The following HDAC4 variants were observed in gnomAD, a reference collection of about 807,000 sequenced individuals.
HDAC4 encodes the protein histone deacetylase 4.
A neutral mutation model predicts 135.1 loss-of-function variants in HDAC4; 16 were observed. That is an observed-to-expected ratio of 0.12 (90% CI 0.08 to 0.18). The LOEUF (loss-of-function observed/expected upper bound fraction) is 0.18, where lower values mean the gene tolerates loss of function less well. HDAC4 is among the 10% of genes least tolerant of loss of function. The probability of loss-of-function intolerance (pLI) is 1.00; values close to 1 mark genes in which losing one functional copy is unlikely to be tolerated. For synonymous variants in HDAC4, 685 were observed against 653.4 expected, an observed-to-expected ratio of 1.05 and a Z score of -0.74; for missense variants, 1,143 against 1,511.8, an observed-to-expected ratio of 0.76 and a Z score of 4.05.
chr2:239,268,566 T>C (rs2049879580), intron 2 of HDAC4, among the ~76,000 whole-genome samples: 1 of 152,244 alleles, frequency 6.6e-6, no homozygotes, highest in African/African-American at 2.4e-5. Context: ...TACAATCGGT[T>C]TGGTGCTCAT....
intron 15 of HDAC4, among the ~76,000 whole-genome samples, chr2:239,107,076 G>A (rs970392503): frequency 7.2e-5 from 11 of 152,202 alleles, no homozygotes; most frequent in African/African-American, 2.7e-4. Context: ...AAGGTCACCA[G>A]CTCCCAGACG....
At chr2:239,135,457 C>A (rs1284901598) in intron 9 of HDAC4, among the ~76,000 whole-genome samples, 1 of 152,042 alleles carries the variant, frequency 6.6e-6, no homozygotes, top group Non-Finnish European at 1.5e-5. Flanking sequence ...TCATGGTCAT[C>A]AAAAAAGGTA....
chr2:239,063,571 C>A (rs1160616847), intron 24 of HDAC4, among the ~76,000 whole-genome samples: 2 of 152,294 alleles, frequency 1.3e-5, no homozygotes, highest in South Asian at 2.1e-4. Context: ...ATGCGCCCAC[C>A]CCTCAGAAGA....
intron 12 of HDAC4, among the ~76,000 whole-genome samples, chr2:239,120,794 G>A (rs986589495): frequency 6.6e-6 from 1 of 151,938 alleles, no homozygotes; most frequent in African/African-American, 2.4e-5. Flanking sequence ...AGGACACAGA[G>A]GCAGGTCCCT....
intron 3 of HDAC4, among the ~76,000 whole-genome samples, chr2:239,226,891 T>C (rs942702198): frequency 2.6e-5 from 4 of 152,204 alleles, no homozygotes; most frequent in African/African-American, 9.6e-5. Context: ...CACAGGGCAT[T>C]TCTGGTCAAA....
intron 1 of HDAC4, among the ~76,000 whole-genome samples, chr2:239,375,575 C>T (rs911158775): frequency 6.6e-6 from 1 of 152,250 alleles, no homozygotes; most frequent in East Asian, 1.9e-4. Flanking sequence ...GCACTCACGC[C>T]TACCTGGCAC....
At chr2:239,086,409 TAC>T (rs1398489042) in intron 19 of HDAC4, among the ~76,000 whole-genome samples, 1 of 149,140 alleles carries the variant, frequency 6.7e-6, no homozygotes, top group Non-Finnish European at 1.5e-5. Context: ...ATCTCTCACG[TAC>T]AGTCTCCTCC....
chr2:239,085,241 T>G lies in HDAC4; in HGVS notation c.2445-999A>C, dbSNP rs140620019. Among the ~76,000 whole-genome samples the G allele has an allele frequency of 3.6e-3, 545 of 152,224 alleles. 4 individuals carry two copies. The highest frequency in any genetic ancestry group is 0.013 in the African/African-American group (525 of 41,532). On this transcript the variant is annotated intron_variant, in intron 19 of 26. Transcript: ENST00000543185. ...GTTGCTTCCTGCTGACCTTCCTATA[T>G]TCCAATACATAAATTACCTTTAATT... is the stretch of plus-strand genomic sequence containing the variant.
intron 1 of HDAC4, among the ~76,000 whole-genome samples, chr2:239,358,024 T>C (rs1302006141): frequency 1.3e-5 from 2 of 151,860 alleles, no homozygotes; most frequent in African/African-American, 4.8e-5. Context: ...AATAAACAAG[T>C]GCCTTGAAAA....
intron 20 of HDAC4, among the ~76,000 whole-genome samples, chr2:239,083,213 C>A (rs147228172): frequency 3.5e-3 from 527 of 152,390 alleles, no homozygotes; most frequent in Non-Finnish European, 5.1e-3. Context: ...CGCAGCCTGT[C>A]TGCGTGTCCT....
chr2:239,376,265 G>A (rs1694997920), intron 1 of HDAC4, among the ~76,000 whole-genome samples: 1 of 150,186 alleles, frequency 6.7e-6, no homozygotes, highest in South Asian at 2.1e-4. Flanking sequence ...CAGGTGCTGT[G>A]TGCTCACAAC....
At position 239,126,537 on chromosome 2, in the gene HDAC4, G is replaced by A; in HGVS notation, c.1452C>T (p.His484=). 2.5e-6 allele frequency: 4 copies of A among 1,613,614 alleles called. No homozygotes were observed. Among genetic ancestry groups the A allele is most frequent in the Non-Finnish European group, 3.4e-6 (4 of 1,179,848 alleles). The change falls in exon 12 of 27, where the codon CAC becomes CAT. Residue 484 remains histidine, a synonymous_variant. Transcript: ENST00000543185. ...PLPQNAQALQ[H]LVIQQQHQQF... ...GCTGATGCTGCTGCTGGATGACCAGGTGCTGCAGAGCCTGGGCGTTCTGGG... is the reference window on the plus strand; with the variant it reads ...GCTGATGCTGCTGCTGGATGACCAGATGCTGCAGAGCCTGGGCGTTCTGGG...
chr2:239,094,546 A>C (rs2036820011), intron 17 of HDAC4: 2 of 1,062,690 alleles, frequency 1.9e-6, no homozygotes, highest in South Asian at 6.1e-5. Context: ...AAGCCAGCAC[A>C]GCCCAGCGAG....
intron 2 of HDAC4, among the ~76,000 whole-genome samples, chr2:239,261,476 CCT>C (rs1044963219): frequency 2.0e-5 from 3 of 152,116 alleles, no homozygotes; most frequent in Admixed American, 6.6e-5. Flanking sequence ...CCCTGGGGAC[CCT>C]GTTAGGTGCA....
intron 5 of HDAC4, 141 bp from the exon 6 acceptor site, chr2:239,164,064 C>G: frequency 1.0e-6 from 1 of 973,060 alleles, no homozygotes; most frequent in Non-Finnish European, 1.6e-6. Flanking sequence ...TGAGCGCTTC[C>G]TCAAAGAACC....
In HDAC4 at chr2:239,201,016, G is replaced by A. The variant is rs555528124; in HGVS notation, c.95-10939C>T. On this transcript the variant is annotated intron_variant, in intron 3 of 26. Coordinates refer to ENST00000543185, the MANE Select transcript of HDAC4 (RefSeq NM_001378414.1). ...CTGCCTCCTTGTCCTCTTCACTACC[G>A]GGGAATCACAGGGCCTGGGGTGAAC... 4.6e-5 allele frequency among the ~76,000 whole-genome samples: 7 copies of A among 152,336 alleles called. No individual in the cohort carries two copies. In the South Asian group the frequency reaches 6.2e-4, roughly 14 times the overall value.
At chr2:239,297,663 C>T (rs950617405) in intron 2 of HDAC4, among the ~76,000 whole-genome samples, 1 of 152,220 alleles carries the variant, frequency 6.6e-6, no homozygotes, top group African/African-American at 2.4e-5. Flanking sequence ...GCGCCCATCA[C>T]AGTGCCAAGG....
chr2:239,292,180 C>A (rs1022859175), intron 2 of HDAC4, among the ~76,000 whole-genome samples: 1 of 152,160 alleles, frequency 6.6e-6, no homozygotes, highest in Admixed American at 6.5e-5. Context: ...CCAAGTGTTC[C>A]GGTGTTTTGT....
intron 2 of HDAC4, among the ~76,000 whole-genome samples, chr2:239,252,599 C>T (rs2048844631): frequency 1.3e-5 from 2 of 152,054 alleles, no homozygotes; most frequent in South Asian, 4.2e-4. Flanking sequence ...GCTCTCATGT[C>T]CCACGGAAGT....
Sources: gnomAD v4.1 joint callset for allele counts (sites outside exome capture counted in the v4.1 genomes callset) on GRCh38, gnomAD v4.1.1 for gene constraint, MANE v1.5 for transcripts, NCBI Gene and HGNC (gene_info 2026-07-23, HGNC 2026-07-21) for gene names.